Variants in SLC1A2 observed in about 807,000 individuals in gnomAD.
SLC1A2 encodes solute carrier family 1 member 2.
Under a neutral mutation model 48.8 loss-of-function variants are expected in SLC1A2, and 15 were observed. The observed-to-expected ratio is 0.31, with a 90% CI of 0.21 to 0.47. SLC1A2 has a LOEUF of 0.47. Ranked by LOEUF, SLC1A2 falls within the 20% of genes least tolerant of loss-of-function variation. SLC1A2 has a pLI of 0.99. For missense variants in SLC1A2, 502 were observed against 730.5 expected, an observed-to-expected ratio of 0.69 and a Z score of 3.61; for synonymous variants, 279 against 272.6, an observed-to-expected ratio of 1.02 and a Z score of -0.23.
intron 1 of SLC1A2, among the ~76,000 whole-genome samples, chr11:35,370,055 G>A (rs554038577): frequency 1.1e-4 from 16 of 152,278 alleles, no homozygotes; most frequent in Admixed American, 3.3e-4. Flanking sequence ...AAAAGTATAC[G>A]TGACCCTCCA....
At chr11:35,363,267 G>T (rs968916031) in intron 1 of SLC1A2, among the ~76,000 whole-genome samples, 3 of 152,186 alleles carry the variant, frequency 2.0e-5, no homozygotes, top group Non-Finnish European at 2.9e-5. Context: ...TGTGTATTCT[G>T]CCCCAGATGA....
At chr11:35,376,605 A>G (rs1348045868) in intron 1 of SLC1A2, among the ~76,000 whole-genome samples, 2 of 152,256 alleles carry the variant, frequency 1.3e-5, no homozygotes, top group Non-Finnish European at 2.9e-5. Flanking sequence ...TTAAAAACCA[A>G]CATGTTTATC....
At chr11:35,321,360 G>C (rs1257605048) in intron 1 of SLC1A2, among the ~76,000 whole-genome samples, 2 of 152,196 alleles carry the variant, frequency 1.3e-5, no homozygotes. Flanking sequence ...TTTGTATCAA[G>C]TGTCCAGGGA....
At chr11:35,264,680 A>G (rs1950451136) in intron 10 of SLC1A2, 1 of 152,222 alleles carries the variant, frequency 6.6e-6, no homozygotes, top group Non-Finnish European at 1.5e-5. Context: ...TTAAAAAGAC[A>G]TTTCTGGATA....
intron 5 of SLC1A2, among the ~76,000 whole-genome samples, chr11:35,302,794 G>A (rs1310617842): frequency 1.3e-5 from 2 of 151,218 alleles, no homozygotes; most frequent in African/African-American, 4.9e-5. Context: ...ACATTGTGCG[G>A]CTTACAGGTG....
rs1395240980 is a variant in SLC1A2 at position 35,300,994 on chromosome 11, C to T, written c.857+525G>A. Among the ~76,000 whole-genome samples the T allele has an allele frequency of 4.6e-5, 7 of 152,218 alleles. No individual in the cohort carries two copies. The South Asian group carries it at 1.2e-3, about 27-fold the overall frequency. ...GAGCCATGATCACACCACTGCACTC[C>T]AGTCTGGGTGATAGAGTCAGACCCT... On this transcript the variant is annotated intron_variant, in intron 6 of 10. Coordinates refer to ENST00000278379, the MANE Select transcript of SLC1A2 (RefSeq NM_004171.4).
chr11:35,290,715 G>A (rs201935722), intron 7 of SLC1A2, among the ~76,000 whole-genome samples: 1 of 89,092 alleles, frequency 1.1e-5, no homozygotes, highest in African/African-American at 3.2e-5. Flanking sequence ...ACCAGGTTGG[G>A]TTTTTTTTTT....
chr11:35,369,255 T>C (rs1035560267), intron 1 of SLC1A2, among the ~76,000 whole-genome samples: 5 of 152,148 alleles, frequency 3.3e-5, no homozygotes, highest in African/African-American at 9.7e-5. Flanking sequence ...ACAAAAGTAA[T>C]AAAGAGGGCC....
chr11:35,360,259 T>A, intron 1 of SLC1A2: 1 of 163,036 alleles, frequency 6.1e-6, no homozygotes, highest in Non-Finnish European at 1.3e-5. Flanking sequence ...GGACATTGTG[T>A]AATTATGGGA....
At chr11:35,283,253 C>T (rs1002268527) in intron 8 of SLC1A2, among the ~76,000 whole-genome samples, 6 of 152,152 alleles carry the variant, frequency 3.9e-5, no homozygotes, top group Non-Finnish European at 7.4e-5. Flanking sequence ...AATAAAAATG[C>T]TAAGAATTTC....
intron 9 of SLC1A2, among the ~76,000 whole-genome samples, chr11:35,267,645 G>A (rs528783349): frequency 9.2e-5 from 14 of 152,088 alleles, no homozygotes; most frequent in South Asian, 6.2e-4. Context: ...CTATTTGTCC[G>A]TTATACAGTT....
At chr11:35,348,516 G>C (rs1343088430) in intron 1 of SLC1A2, among the ~76,000 whole-genome samples, 2 of 152,108 alleles carry the variant, frequency 1.3e-5, no homozygotes, top group Non-Finnish European at 2.9e-5. Flanking sequence ...GAGAAGTCAT[G>C]TCCAAGAGGT....
intron 1 of SLC1A2, among the ~76,000 whole-genome samples, chr11:35,330,585 C>T (rs745623254): frequency 6.6e-6 from 1 of 152,224 alleles, no homozygotes. Flanking sequence ...AAGAAGGTTG[C>T]TAATCAGCTG....
intron 1 of SLC1A2, among the ~76,000 whole-genome samples, chr11:35,373,610 G>A (rs1302764962): frequency 1.3e-5 from 2 of 152,222 alleles, no homozygotes; most frequent in Non-Finnish European, 2.9e-5. Context: ...TGTGAAACAG[G>A]GAGAGGGCTG....
intron 4 of SLC1A2, among the ~76,000 whole-genome samples, chr11:35,308,221 G>A (rs887118220): frequency 2.6e-5 from 4 of 152,184 alleles, no homozygotes; most frequent in Admixed American, 6.5e-5. Context: ...GTAGCCCTTC[G>A]ACTCAAGGGC....
chr11:35,407,819 T>C (rs1300727480), intron 1 of SLC1A2, among the ~76,000 whole-genome samples: 2 of 152,222 alleles, frequency 1.3e-5, no homozygotes, highest in African/African-American at 2.4e-5. Context: ...CACCTCCCTC[T>C]GCCCATCTTC....
At chr11:35,373,500 A>G (rs1310439263) in intron 1 of SLC1A2, among the ~76,000 whole-genome samples, 6 of 152,064 alleles carry the variant, frequency 3.9e-5, no homozygotes, top group African/African-American at 1.4e-4. Context: ...TGTGGGTGAG[A>G]GCAGAAGGTA....
At position 35,328,682 on chromosome 11, in the gene SLC1A2, A is replaced by C. The variant is rs187686343; in HGVS notation, c.18-11166T>G. Among the ~76,000 whole-genome samples the C allele has an allele frequency of 2.2e-3, 342 of 152,312 alleles. 1 individual carries two copies. The highest frequency in any genetic ancestry group is 4.1e-3 in the Non-Finnish European group (279 of 68,034). ...ATGCTAGCAATAGACATCGACACTG[A>C]ACATTTGGCCAAAAGAGTGATTTTG... On this transcript the variant is annotated intron_variant, in intron 1 of 10. Transcript: ENST00000278379.
chr11:35,311,935 GGTGGGGGA>G (rs1565233549), intron 4 of SLC1A2, among the ~76,000 whole-genome samples: 1 of 7,346 alleles, frequency 1.4e-4, no homozygotes, highest in Admixed American at 1.9e-3. Flanking sequence ...GGGGGGGGGG[GGTGGGGGA>G]GAAAGGAGGA....
Sources: allele counts gnomAD v4.1 joint callset (sites outside exome capture counted in the v4.1 genomes callset), GRCh38; gene constraint gnomAD v4.1.1; transcripts MANE v1.5; gene names NCBI Gene and HGNC (gene_info 2026-07-23, HGNC 2026-07-21).